BBS9: variants seen among roughly 807,000 people sequenced by gnomAD.
BBS9 encodes protein PTHB1.
A neutral mutation model predicts 117.7 loss-of-function variants in BBS9; 89 were observed. The ratio of observed to expected loss-of-function variants is 0.76; its 90% confidence interval spans 0.64 to 0.90. The LOEUF is 0.90. BBS9 is among the 40% of genes least tolerant of loss of function. BBS9 has a pLI of 0.00. For synonymous variants in BBS9, 379 were observed against 370.9 expected (o/e 1.02, Z -0.25); for missense variants, 982 against 1,042.2 (o/e 0.94, Z 0.80).
chr7:33,322,356 CTTTTTTTTT>C (rs35411730), intron 9 of BBS9, among the ~76,000 whole-genome samples: 3 of 74,164 alleles, frequency 4.0e-5, no homozygotes, highest in Non-Finnish European at 8.1e-5. Context: ...GGGTCTCAGG[CTTTTTTTTT>C]TTTTTTTTTT....
At chr7:33,392,102 T>C (rs1827170243) in intron 19 of BBS9, among the ~76,000 whole-genome samples, 1 of 152,236 alleles carries the variant, frequency 6.6e-6, no homozygotes, top group African/African-American at 2.4e-5. Flanking sequence ...CCTGGTGAGC[T>C]TAGTGTCTCA....
intron 21 of BBS9, among the ~76,000 whole-genome samples, chr7:33,557,959 A>G (rs1040089324): frequency 6.6e-6 from 1 of 152,238 alleles, no homozygotes; most frequent in Non-Finnish European, 1.5e-5. Flanking sequence ...TGGCCTTGCT[A>G]GTAGCTTACG....
At chr7:33,572,490 T>C (rs1857976786) in intron 21 of BBS9, among the ~76,000 whole-genome samples, 1 of 152,150 alleles carries the variant, frequency 6.6e-6, no homozygotes, top group Admixed American at 6.6e-5. Flanking sequence ...ATAATAGTTC[T>C]ATTTTTAGTT....
intron 19 of BBS9, among the ~76,000 whole-genome samples, chr7:33,411,011 G>GTTTTTTTTTTTTTTTTTTT (rs765425062): frequency 6.2e-5 from 6 of 96,424 alleles, no homozygotes; most frequent in South Asian, 3.8e-4. Context: ...AAATGTTGGT[G>GTTTTTTTTTTTTTTTTTTT]TTTTTTTTTT....
intron 11 of BBS9, 87 bp downstream of exon 11, chr7:33,341,060 G>T (rs1050177488): frequency 8.6e-7 from 1 of 1,164,052 alleles, no homozygotes; most frequent in East Asian, 2.4e-5. Context: ...TTAAAGTTTG[G>T]TCCTCCAAGT....
intron 19 of BBS9, among the ~76,000 whole-genome samples, chr7:33,414,977 A>G (rs1358641497): frequency 6.6e-6 from 1 of 152,194 alleles, no homozygotes; most frequent in Non-Finnish European, 1.5e-5. Context: ...ATTGAAGCCT[A>G]ATACCTAAAA....
chr7:33,225,052 G>T (rs1790977974), intron 5 of BBS9, among the ~76,000 whole-genome samples: 1 of 152,162 alleles, frequency 6.6e-6, no homozygotes. Flanking sequence ...TAAATGCTTT[G>T]TTGTTTCCCT....
At position 33,257,560 on chromosome 7, in the gene BBS9, T is replaced by C. The variant is rs2128313126; in HGVS notation, c.617+150T>C. ...GATTGTGGTGACTTAGACTATATCA[T>C]TTACTATTGTAAAATATTTGAAAGG... On this transcript the variant is annotated intron_variant, in intron 6 of 22. Coordinates refer to ENST00000242067, the MANE Select transcript of BBS9 (RefSeq NM_198428.3). 5.3e-6 allele frequency: 4 copies of C among 761,576 alleles called. No homozygotes were observed. The East Asian group carries it at 8.1e-5, about 15-fold the overall frequency. 47.2% of individuals were successfully genotyped at this position (761,576 alleles called of 1,614,324 possible). A position where few individuals can be genotyped will look rare whatever the true frequency, so the allele number is the denominator to read the frequency against.
rs542197498 is a variant in BBS9, at chr7:33,327,426, G to A, written c.1017-9015G>A. Reference sequence around the variant, plus strand: ...TTAAAGGGTGTTTGTTAGGCTTGGTGTGGTGGTTCACACCTATATTCCCAG... The same window carrying A: ...TTAAAGGGTGTTTGTTAGGCTTGGTATGGTGGTTCACACCTATATTCCCAG... On this transcript the variant is annotated intron_variant, in intron 9 of 22. Transcript: ENST00000242067. Among the ~76,000 whole-genome samples, 4 of 152,298 alleles carry A rather than the reference G, an allele frequency of 2.6e-5. No individual in the cohort carries two copies. In the South Asian group the frequency reaches 8.3e-4, roughly 32 times the overall value.
At chr7:33,286,520 C>T (rs1163261274) in intron 9 of BBS9, among the ~76,000 whole-genome samples, 1 of 152,016 alleles carries the variant, frequency 6.6e-6, no homozygotes, top group East Asian at 1.9e-4. Flanking sequence ...ATAGTGGGTC[C>T]TCCTGATAAC....
At chr7:33,276,685 T>A (rs1389609599) in intron 9 of BBS9, 1 of 152,328 alleles carries the variant, frequency 6.6e-6, no homozygotes, top group Non-Finnish European at 1.5e-5. Flanking sequence ...AGCAAGAGCA[T>A]CTGCAGCCAA....
chr7:33,411,799 A>G (rs1464457573), intron 19 of BBS9, among the ~76,000 whole-genome samples: 1 of 152,146 alleles, frequency 6.6e-6, no homozygotes, highest in Non-Finnish European at 1.5e-5. Context: ...TGTGCTATCA[A>G]ATATTTATCA....
At chr7:33,604,230 G>A (rs1864246076) in intron 21 of BBS9, among the ~76,000 whole-genome samples, 1 of 152,182 alleles carries the variant, frequency 6.6e-6, no homozygotes, top group Non-Finnish European at 1.5e-5. Flanking sequence ...GGTGGATAAA[G>A]TCAAATGAGT....
intron 21 of BBS9, among the ~76,000 whole-genome samples, chr7:33,591,955 A>T (rs1861993218): frequency 6.6e-6 from 1 of 152,012 alleles, no homozygotes; most frequent in Non-Finnish European, 1.5e-5. Flanking sequence ...ATGATAGTAG[A>T]CTATCCGTGG....
At chr7:33,311,225 C>T (rs1273117285) in intron 9 of BBS9, among the ~76,000 whole-genome samples, 2 of 151,994 alleles carry the variant, frequency 1.3e-5, no homozygotes, top group Non-Finnish European at 2.9e-5. Flanking sequence ...GGTAGAGGGA[C>T]TTAGGGTAGG....
At chr7:33,495,282 A>G (rs1220406416) in intron 19 of BBS9, among the ~76,000 whole-genome samples, 2 of 152,154 alleles carry the variant, frequency 1.3e-5, no homozygotes, top group African/African-American at 4.8e-5. Context: ...AATGTGTCTT[A>G]GCACTTGCTA....
At chr7:33,582,405 G>A (rs1317487504) in intron 21 of BBS9, among the ~76,000 whole-genome samples, 1 of 152,024 alleles carries the variant, frequency 6.6e-6, no homozygotes, top group Non-Finnish European at 1.5e-5. Flanking sequence ...TGAAGGCCAG[G>A]ACAGGTTGGG....
At chr7:33,188,608 G>A (rs370765917) in intron 5 of BBS9, among the ~76,000 whole-genome samples, 3 of 152,210 alleles carry the variant, frequency 2.0e-5, no homozygotes, top group East Asian at 3.9e-4. Flanking sequence ...AGAGCATGGT[G>A]TCATGGAAGG....
intron 19 of BBS9, among the ~76,000 whole-genome samples, chr7:33,449,388 ATTTGTAATTTCAC>A (rs777908314): frequency 1.1e-4 from 17 of 152,174 alleles, no homozygotes; most frequent in Non-Finnish European, 2.5e-4. Context: ...TGTTTCCCAA[ATTTGTAATTTCAC>A]TGTTTGGAAC....
Sources: allele counts gnomAD v4.1 joint callset (sites outside exome capture counted in the v4.1 genomes callset), GRCh38; gene constraint gnomAD v4.1.1; transcripts MANE v1.5; gene names NCBI Gene and HGNC (gene_info 2026-07-23, HGNC 2026-07-21).